Variants in BRAP observed in about 807,000 individuals in gnomAD.
BRAP encodes the protein BRCA1 associated protein.
Under a neutral mutation model 73.4 loss-of-function variants are expected in BRAP, and 42 were observed. The ratio of observed to expected loss-of-function variants is 0.57; its 90% CI spans 0.45 to 0.74. The LOEUF (loss-of-function observed/expected upper bound fraction) is 0.74. BRAP is among the 30% of genes least tolerant of loss of function. BRAP has a pLI of 0.00. For synonymous variants in BRAP, 255 were observed against 267.4 expected (o/e 0.95, Z 0.45); for missense variants, 593 against 751.4 (o/e 0.79, Z 2.46).
chr12:111,672,625 A>G (rs1887222777), intron 5 of BRAP, 36 bp downstream of exon 5: 2 of 1,557,636 alleles, frequency 1.3e-6, no homozygotes, highest in Admixed American at 1.7e-5. Context: ...CCAATCTGAT[A>G]TATTTTAATT....
chr12:111,648,385 G>C (rs1313074937), intron 11 of BRAP, among the ~76,000 whole-genome samples: 1 of 136,532 alleles, frequency 7.3e-6, no homozygotes, highest in Middle Eastern at 4.9e-3. Context: ...AGGCCAAAGC[G>C]GGTGGATCAT....
At chr12:111,682,831 C>T (rs145041060) in intron 2 of BRAP, among the ~76,000 whole-genome samples, 98 of 152,128 alleles carry the variant, frequency 6.4e-4, no homozygotes, top group Middle Eastern at 3.4e-3. Context: ...AAGACTGCTT[C>T]AGCCCAGGAG....
Position 111,665,784 on chromosome 12 carries a change from C to T in BRAP, c.751G>A (p.Ala251Thr), listed in dbSNP as rs760917844. The change falls in exon 6 of 12, where the codon GCC (alanine) becomes ACC (threonine). Residue 251 changes from alanine to threonine, a missense_variant. Transcript: ENST00000419234. This position sits in a 1 kb window ranked among gnomAD's most constrained non-coding sequence, Gnocchi z 4.3. ...RAEVLKSEDG[A>T]SLPVMDLTEL... The stretch of plus-strand genomic sequence containing the variant: ...GTCAGGTCCATCACTGGGAGGCTGG[C>T]GCCCTACAGGAAACACCTCACATAA... 5.0e-6 allele frequency: 8 copies of T among 1,614,142 alleles called. No individual in the cohort carries two copies. Among genetic ancestry groups the T allele is most frequent in the Non-Finnish European group, 4.2e-6 (5 of 1,179,994 alleles).
chr12:111,676,173 T>C (rs938042441), intron 4 of BRAP, among the ~76,000 whole-genome samples: 7 of 152,078 alleles, frequency 4.6e-5, no homozygotes, highest in Non-Finnish European at 1.0e-4. Flanking sequence ...CCACCACACC[T>C]GGCCTCACAA....
rs1467831908 is a variant in BRAP at position 111,672,798 on chromosome 12, GA to G, written c.634-25del. ...GCCTATGTACACCAATGGGGAAAAG[GA>G]AAAAAATTAAGACAGATACCCTGAA... On this transcript the variant is annotated intron_variant, in intron 4 of 11. Coordinates refer to ENST00000419234, the MANE Select transcript of BRAP (RefSeq NM_006768.5). The G allele has an allele frequency of 3.2e-6, 5 of 1,582,890 alleles. No homozygotes were observed. In the East Asian group the frequency reaches 6.7e-5, roughly 21 times the overall value.
chr12:111,649,678 T>C (rs186837600), intron 11 of BRAP, among the ~76,000 whole-genome samples: 9 of 152,286 alleles, frequency 5.9e-5, no homozygotes, highest in African/African-American at 1.7e-4. Flanking sequence ...TGGAAGAAAA[T>C]TGCTTTCCAC....
intron 11 of BRAP, among the ~76,000 whole-genome samples, chr12:111,644,772 T>A (rs1321359190): frequency 1.3e-5 from 2 of 152,188 alleles, no homozygotes; most frequent in South Asian, 2.1e-4. Context: ...GTATTTTTTT[T>A]TGAGACGGAG....
chr12:111,653,580 C>T (rs1285236482), intron 10 of BRAP, among the ~76,000 whole-genome samples: 3 of 152,134 alleles, frequency 2.0e-5, no homozygotes, highest in African/African-American at 7.2e-5. Flanking sequence ...CTACCTAAGG[C>T]ACTGGGGGAA....
At position 111,665,513 on chromosome 12, in the gene BRAP, A is replaced by C. The variant is rs1289481597; in HGVS notation, c.896+126T>G. On this transcript the variant is annotated intron_variant, in intron 6 of 11. Coordinates refer to ENST00000419234, the MANE Select transcript of BRAP (RefSeq NM_006768.5). The surrounding 1 kb of genome is among the most constrained non-coding windows in gnomAD (Gnocchi z 4.3). Reference sequence around the variant, plus strand: ...CGATTCCCTGAACTTAGGAAAGGGAAGGAGAAAAAGGACCTCTTGAATAAA... The same window carrying C: ...CGATTCCCTGAACTTAGGAAAGGGACGGAGAAAAAGGACCTCTTGAATAAA... 3.8e-6 allele frequency: 5 copies of C among 1,321,900 alleles called. No homozygotes were observed. The highest frequency in any genetic ancestry group is 5.1e-6 in the Non-Finnish European group (5 of 972,852). The allele number at this position is 1,321,900 out of a possible 1,614,324, so 81.9% of individuals were successfully genotyped here. A position where few individuals can be genotyped will look rare whatever the true frequency, so the allele number is the denominator to read the frequency against.
At chr12:111,646,352 T>C (rs1886112231) in intron 11 of BRAP, among the ~76,000 whole-genome samples, 1 of 151,980 alleles carries the variant, frequency 6.6e-6, no homozygotes, top group African/African-American at 2.4e-5. Context: ...ACCCCACTAT[T>C]TGAGATACTA....
At chr12:111,677,630 GA>G (rs1592996084) in intron 4 of BRAP, among the ~76,000 whole-genome samples, 1 of 152,184 alleles carries the variant, frequency 6.6e-6, no homozygotes, top group East Asian at 1.9e-4. Context: ...ATAAACGTTG[GA>G]TATTATCATC....
chr12:111,659,577 C>A (rs533847499), intron 7 of BRAP, among the ~76,000 whole-genome samples: 4 of 152,258 alleles, frequency 2.6e-5, no homozygotes, highest in South Asian at 4.1e-4. Context: ...TCGCTTGAAC[C>A]CAGGAGGTGG....
At chr12:111,664,647 G>C (rs1729278370) in intron 6 of BRAP, among the ~76,000 whole-genome samples, 1 of 152,208 alleles carries the variant, frequency 6.6e-6, no homozygotes, top group South Asian at 2.1e-4. Flanking sequence ...AGGTGTGAGA[G>C]ACACAGCAGT....
At chr12:111,682,833 G>C (rs558042602) in intron 2 of BRAP, among the ~76,000 whole-genome samples, 1 of 152,096 alleles carries the variant, frequency 6.6e-6, no homozygotes, top group East Asian at 1.9e-4. Flanking sequence ...GACTGCTTCA[G>C]CCCAGGAGGC....
Position 111,644,426 on chromosome 12 carries a change from T to C in BRAP, c.1552A>G (p.Thr518Ala), listed in dbSNP as rs749756786. Reference protein sequence around the residue: ...LKEEERVLKETCDQKDLQITE... With the variant: ...LKEEERVLKEACDQKDLQITE... ...ATCTGCAGATCTTTTTGGTCACAGG[T>C]CTCCTTCAGCACCCTCTCCTCCTCT... The change falls in exon 12 of 12, where the codon ACC becomes GCC. Residue 518 changes from threonine to alanine, a missense_variant. By Grantham distance (58) the Thr-to-Ala change is moderately conservative (BLOSUM62 0). Coordinates refer to ENST00000419234, the MANE Select transcript of BRAP (RefSeq NM_006768.5). The C allele has an allele frequency of 6.2e-7, 1 of 1,613,830 alleles. No homozygotes were observed. Among genetic ancestry groups the C allele is most frequent in the South Asian group, 1.1e-5 (1 of 91,052 alleles).
At chr12:111,660,563 C>CTGCATTCT in intron 7 of BRAP, 37 bp downstream of exon 7, 1 of 1,547,174 alleles carries the variant, frequency 6.5e-7, no homozygotes, top group South Asian at 1.2e-5. Context: ...ACAATTAAAG[C>CTGCATTCT]TGCATTCTTT....
chr12:111,660,704 C>T, intron 6 of BRAP, 29 bp from the exon 7 acceptor site: 1 of 1,575,008 alleles, frequency 6.3e-7, no homozygotes, highest in Admixed American at 1.9e-5. Flanking sequence ...GATAATGGTG[C>T]AGGTTAAATA....
chr12:111,659,379 T>C (rs568636068), intron 7 of BRAP, 34 bp from the exon 8 acceptor site: 1 of 1,591,692 alleles, frequency 6.3e-7, no homozygotes, highest in East Asian at 2.2e-5. Flanking sequence ...ATTAGTTAAA[T>C]AAAAATAAAT....
At position 111,643,524 on chromosome 12, in the gene BRAP, C is replaced by T. The variant is rs897330927; in HGVS notation, c.*675G>A. On this transcript the variant is annotated 3_prime_UTR_variant, in exon 12 of 12. Transcript: ENST00000419234. ...CCAAAAATAAACAGTGGAGCTGCCA[C>T]CATTTTTCCTACACTGAGTCTACCC... The T allele has an allele frequency of 2.6e-5, 4 of 152,162 alleles. No homozygotes were observed. Among genetic ancestry groups the T allele is most frequent in the African/African-American group, 7.2e-5 (3 of 41,428 alleles). The allele number at this position is 152,162 out of a possible 1,614,324, so 9.4% of individuals were successfully genotyped here.
Sources: gnomAD v4.1 joint callset for allele counts (sites outside exome capture counted in the v4.1 genomes callset) on GRCh38, gnomAD v4.1.1 for gene constraint, Gnocchi (gnomAD v3.1) non-coding constraint, MANE v1.5 for transcripts, NCBI Gene and HGNC (gene_info 2026-07-23, HGNC 2026-07-21) for gene names.